YAP1: variants seen among roughly 807,000 people sequenced by gnomAD.
YAP1 encodes the protein transcriptional coactivator YAP1.
A neutral mutation model predicts 56.9 loss-of-function variants in YAP1; 5 were observed. The ratio of observed to expected loss-of-function variants is 0.09; its 90% CI spans 0.05 to 0.18. The LOEUF is 0.18. Ranked by LOEUF, YAP1 falls within the 10% of genes least tolerant of loss-of-function variation. The pLI is 1.00. For synonymous variants in YAP1, 265 were observed against 248.1 expected, an observed-to-expected ratio of 1.07 and a Z score of -0.64; for missense variants, 539 against 651.8, an observed-to-expected ratio of 0.83 and a Z score of 1.88.
chr11:102,147,600 A>C (rs1344754587), intron 2 of YAP1, among the ~76,000 whole-genome samples: 2 of 152,206 alleles, frequency 1.3e-5, no homozygotes, highest in Non-Finnish European at 2.9e-5. Context: ...CTTATTGAAC[A>C]AGAAGTACAG....
At chr11:102,185,985 AC>A in intron 3 of YAP1, 32 bp from the exon 4 acceptor site, 1 of 1,533,070 alleles carries the variant, frequency 6.5e-7, no homozygotes, top group Non-Finnish European at 8.7e-7. Context: ...CCAAATAAAA[AC>A]CATGATTTTT....
At chr11:102,226,190 C>G (rs1379769572) in intron 7 of YAP1, among the ~76,000 whole-genome samples, 1 of 152,202 alleles carries the variant, frequency 6.6e-6, no homozygotes, top group Non-Finnish European at 1.5e-5. Flanking sequence ...CTGAGGCCTT[C>G]TCATATATGG....
chr11:102,153,416 CT>C (rs577248244), intron 2 of YAP1, among the ~76,000 whole-genome samples: 98 of 152,254 alleles, frequency 6.4e-4, no homozygotes, highest in African/African-American at 2.3e-3. Flanking sequence ...ACTTTGTCTT[CT>C]TTTTAAAAAG....
intron 2 of YAP1, among the ~76,000 whole-genome samples, chr11:102,155,455 G>A (rs1945885965): frequency 6.6e-6 from 1 of 152,142 alleles, no homozygotes; most frequent in East Asian, 1.9e-4. Context: ...GTAGATGATT[G>A]AAGACATTCT....
intron 6 of YAP1, among the ~76,000 whole-genome samples, chr11:102,222,074 G>A (rs940995543): frequency 6.6e-6 from 1 of 152,128 alleles, no homozygotes; most frequent in African/African-American, 2.4e-5. Context: ...AAAATAAGTG[G>A]TATTTGCATG....
At chr11:102,205,393 T>C (rs1187277132) in intron 4 of YAP1, among the ~76,000 whole-genome samples, 1 of 152,184 alleles carries the variant, frequency 6.6e-6, no homozygotes, top group East Asian at 1.9e-4. Context: ...TTAATTTATA[T>C]ATTTCATAAG....
chr11:102,213,480 C>T (rs568899452), intron 6 of YAP1, among the ~76,000 whole-genome samples: 8 of 152,104 alleles, frequency 5.3e-5, no homozygotes, highest in South Asian at 4.2e-4. Context: ...AGCAAAACTC[C>T]GTCTTGAAAA....
chr11:102,135,723 G>A (rs1944635544), intron 2 of YAP1, among the ~76,000 whole-genome samples: 1 of 152,134 alleles, frequency 6.6e-6, no homozygotes, highest in South Asian at 2.1e-4. Flanking sequence ...ATTTTTCAAT[G>A]GGAGGAATAG....
At chr11:102,150,692 A>T (rs1254972364) in intron 2 of YAP1, among the ~76,000 whole-genome samples, 1 of 152,096 alleles carries the variant, frequency 6.6e-6, no homozygotes, top group Non-Finnish European at 1.5e-5. Context: ...TATGCTTTAA[A>T]CCTTAAAACA....
intron 2 of YAP1, among the ~76,000 whole-genome samples, chr11:102,140,614 G>A (rs1944960630): frequency 6.6e-6 from 1 of 152,192 alleles, no homozygotes; most frequent in Non-Finnish European, 1.5e-5. Context: ...GGAGGCCAAA[G>A]CGGACGGATC....
intron 2 of YAP1, among the ~76,000 whole-genome samples, chr11:102,138,280 C>T (rs1030058586): frequency 2.0e-5 from 3 of 152,160 alleles, no homozygotes; most frequent in African/African-American, 4.8e-5. Flanking sequence ...TTCTGTCATT[C>T]GAGTTGGGCT....
chr11:102,210,829 T>A (rs184443789), intron 6 of YAP1, among the ~76,000 whole-genome samples: 313 of 151,950 alleles, frequency 2.1e-3, no homozygotes, highest in Admixed American at 2.9e-3. Context: ...CTCGGCTCAC[T>A]GCAAGCTCCG....
At chr11:102,144,515 T>G (rs1266273578) in intron 2 of YAP1, among the ~76,000 whole-genome samples, 1 of 152,220 alleles carries the variant, frequency 6.6e-6, no homozygotes, top group Non-Finnish European at 1.5e-5. Context: ...TTTCAGGAAT[T>G]CAGCCTAGTA....
intron 4 of YAP1, among the ~76,000 whole-genome samples, chr11:102,204,376 C>T (rs922143719): frequency 1.3e-5 from 2 of 152,122 alleles, no homozygotes; most frequent in African/African-American, 4.8e-5. Context: ...GTGCCAGATG[C>T]TGTGCTAGGT....
intron 3 of YAP1, among the ~76,000 whole-genome samples, chr11:102,176,372 G>GCAA (rs1276564614): frequency 2.0e-5 from 3 of 152,148 alleles, no homozygotes; most frequent in Non-Finnish European, 4.4e-5. Flanking sequence ...CAGAACAGGT[G>GCAA]CAATTTAAAT....
At chr11:102,176,145 A>T in intron 3 of YAP1, among the ~76,000 whole-genome samples, 1 of 152,226 alleles carries the variant, frequency 6.6e-6, no homozygotes, top group East Asian at 1.9e-4. Context: ...AAAGTATCAC[A>T]AACTACTAAC....
chr11:102,178,607 A>G (rs1193442236), intron 3 of YAP1, among the ~76,000 whole-genome samples: 1 of 152,182 alleles, frequency 6.6e-6, no homozygotes, highest in Non-Finnish European at 1.5e-5. Context: ...TAAGTTGTCA[A>G]TCAAGTAATA....
intron 2 of YAP1, among the ~76,000 whole-genome samples, chr11:102,116,069 G>T (rs1250935497): frequency 6.6e-6 from 1 of 152,112 alleles, no homozygotes; most frequent in Non-Finnish European, 1.5e-5. Flanking sequence ...TTGAATGAAT[G>T]ATCTTTTTTT....
In YAP1 at chr11:102,185,641, G is replaced by A. The variant is rs189675821; in HGVS notation, c.689-377G>A. On this transcript the variant is annotated intron_variant, in intron 3 of 8. Coordinates refer to ENST00000282441, the MANE Select transcript of YAP1 (RefSeq NM_001130145.3). ...CATGTATTTCTTATTAATGAACCTT[G>A]GTGTTCCTAGGAAGGTATTGTCACA... Among the ~76,000 whole-genome samples the A allele has an allele frequency of 8.1e-3, 1,225 of 152,144 alleles. 19 individuals carry two copies. The highest frequency in any genetic ancestry group is 0.028 in the African/African-American group (1,178 of 41,518).
Sources: allele counts gnomAD v4.1 joint callset (sites outside exome capture counted in the v4.1 genomes callset), GRCh38; gene constraint gnomAD v4.1.1; transcripts MANE v1.5; gene names NCBI Gene and HGNC (gene_info 2026-07-23, HGNC 2026-07-21).